ARMC2: variants seen among roughly 807,000 people sequenced by gnomAD.
ARMC2 encodes the protein armadillo repeat-containing protein 2.
In ARMC2, 67 loss-of-function variants were observed where a neutral mutation model predicts 90.3. That is an observed-to-expected ratio of 0.74 (90% confidence interval 0.61 to 0.91). The LOEUF (loss-of-function observed/expected upper bound fraction) is 0.91. Ranked by LOEUF, ARMC2 falls within the 40% of genes least tolerant of loss-of-function variation. The pLI, the probability that ARMC2 is intolerant of heterozygous loss-of-function variation, is 0.00. For missense variants in ARMC2, 920 were observed against 1,030.9 expected, an observed-to-expected ratio of 0.89 and a Z score of 1.47; for synonymous variants, 393 against 393.0, an observed-to-expected ratio of 1.00 and a Z score of 0.00.
intron 5 of ARMC2, among the ~76,000 whole-genome samples, chr6:108,891,631 A>G (rs1771040286): frequency 6.6e-6 from 1 of 152,094 alleles, no homozygotes; most frequent in South Asian, 2.1e-4. Context: ...AGTTCTTTGT[A>G]GATTCTGGAT....
chr6:109,035,806 C>T, the ARMC2 span, among the ~76,000 whole-genome samples: 1 of 152,214 alleles, frequency 6.6e-6, no homozygotes, highest in South Asian at 2.1e-4. Flanking sequence ...TGGAGTCTTG[C>T]TATGTTACTT....
At chr6:108,850,806 C>T (rs1040485578) in intron 1 of ARMC2, among the ~76,000 whole-genome samples, 3 of 152,126 alleles carry the variant, frequency 2.0e-5, no homozygotes, top group East Asian at 3.9e-4. Context: ...CAGAGAGTCT[C>T]GGGCCAACAC....
chr6:108,933,688 A>G (rs970916543), intron 11 of ARMC2, among the ~76,000 whole-genome samples: 1 of 152,142 alleles, frequency 6.6e-6, no homozygotes, highest in Non-Finnish European at 1.5e-5. Context: ...TCTGGCTAGG[A>G]CTTCCAATAC....
At chr6:108,925,435 G>A (rs996407809) in intron 10 of ARMC2, among the ~76,000 whole-genome samples, 4 of 152,204 alleles carry the variant, frequency 2.6e-5, no homozygotes, top group African/African-American at 9.7e-5. Context: ...GGATGAACAA[G>A]GTTTATGCCT....
chr6:108,928,341 T>C (rs1250469560), intron 11 of ARMC2, 108 bp downstream of exon 11: 1 of 1,185,154 alleles, frequency 8.4e-7, no homozygotes, highest in Admixed American at 2.9e-5. Flanking sequence ...TTTCCTTCTT[T>C]TTACTTCGCC....
downstream of ARMC2, among the ~76,000 whole-genome samples, chr6:108,975,376 G>A (rs1363347222): frequency 6.7e-6 from 1 of 150,006 alleles, no homozygotes; most frequent in Non-Finnish European, 1.5e-5. Flanking sequence ...TGGTATATAT[G>A]TGCCAAATTT....
At chr6:108,910,808 G>T (rs900426512) in intron 8 of ARMC2, 91 bp from the exon 9 acceptor site, 1 of 627,516 alleles carries the variant, frequency 1.6e-6, no homozygotes, top group Non-Finnish European at 2.6e-6. Context: ...AAATACTGTT[G>T]CTGTACTTTA....
intron 3 of ARMC2, among the ~76,000 whole-genome samples, chr6:108,859,971 T>C (rs1189090848): frequency 2.7e-5 from 4 of 148,320 alleles, no homozygotes; most frequent in African/African-American, 7.5e-5. Flanking sequence ...ACCATTGCAC[T>C]CCAGCCTGGG....
At chr6:109,048,857 A>G in the ARMC2 span, among the ~76,000 whole-genome samples, 2 of 152,212 alleles carry the variant, frequency 1.3e-5, no homozygotes, top group African/African-American at 4.8e-5. Flanking sequence ...CATATATCAC[A>G]GGCTGTAATC....
At chr6:108,930,540 AT>A (rs551414763) in intron 11 of ARMC2, among the ~76,000 whole-genome samples, 229 of 133,400 alleles carry the variant, frequency 1.7e-3, no homozygotes, top group African/African-American at 6.2e-3. Context: ...AAGATTAATG[AT>A]TTTTTTTCTC....
chr6:109,031,829 C>A, the ARMC2 span, among the ~76,000 whole-genome samples: 3 of 152,074 alleles, frequency 2.0e-5, no homozygotes, highest in African/African-American at 4.8e-5. Flanking sequence ...GGCTGAGTAT[C>A]CCCTATACCA....
At chr6:108,952,108 C>G (rs879543210) in intron 12 of ARMC2, among the ~76,000 whole-genome samples, 7 of 152,170 alleles carry the variant, frequency 4.6e-5, no homozygotes, top group Non-Finnish European at 1.0e-4. Context: ...AGATATAATA[C>G]CATCCAGGCC....
chr6:108,961,116 A>G (rs1777969237), intron 13 of ARMC2, among the ~76,000 whole-genome samples: 1 of 152,174 alleles, frequency 6.6e-6, no homozygotes, highest in African/African-American at 2.4e-5. Context: ...TGTCTTCTAG[A>G]GTTCGTAGTC....
At chr6:108,909,681 G>A (rs1047935621) in intron 8 of ARMC2, among the ~76,000 whole-genome samples, 17 of 151,998 alleles carry the variant, frequency 1.1e-4, no homozygotes, top group African/African-American at 2.9e-4. Context: ...GATTACAGGC[G>A]CGTGCCACCA....
chr6:108,867,772 A>C (rs1167289322), intron 3 of ARMC2, among the ~76,000 whole-genome samples: 1 of 144,736 alleles, frequency 6.9e-6, no homozygotes, highest in Non-Finnish European at 1.5e-5. Context: ...ACTTCATCTC[A>C]AAAAAAAAAA....
the ARMC2 span, chr6:108,987,454 G>A: frequency 1.6e-6 from 1 of 616,506 alleles, no homozygotes. Context: ...GAATTATTTT[G>A]TCTACCATTG....
At chr6:108,976,489 C>T (rs563917319), downstream of ARMC2, among the ~76,000 whole-genome samples, 1 of 152,226 alleles carries the variant, frequency 6.6e-6, no homozygotes, top group South Asian at 2.1e-4. Flanking sequence ...GCTATGTGGG[C>T]TCTTTTTTGG....
intron 17 of ARMC2, among the ~76,000 whole-genome samples, chr6:108,965,838 C>T (rs1778326047): frequency 6.7e-6 from 1 of 150,352 alleles, no homozygotes; most frequent in African/African-American, 2.5e-5. Flanking sequence ...TTTTTTGTAG[C>T]GATGAGGTCT....
intron 5 of ARMC2, among the ~76,000 whole-genome samples, chr6:108,878,883 A>G (rs893104960): frequency 3.9e-5 from 6 of 152,142 alleles, no homozygotes; most frequent in Non-Finnish European, 7.4e-5. Flanking sequence ...TGTATTCTCC[A>G]TCCATCCATC....
Sources: allele counts gnomAD v4.1 joint callset (sites outside exome capture counted in the v4.1 genomes callset), GRCh38; gene constraint gnomAD v4.1.1; transcripts MANE v1.5; gene names NCBI Gene and HGNC (gene_info 2026-07-23, HGNC 2026-07-21).